NFRKB: variants seen among roughly 807,000 people sequenced by gnomAD.
NFRKB encodes nuclear factor related to kappaB binding protein, also known as nuclear factor related to kappa-B-binding protein.
In NFRKB, 62 loss-of-function variants were observed where a neutral mutation model predicts 135.7. That is an observed-to-expected ratio of 0.46 (90% confidence interval 0.37 to 0.56). NFRKB has a LOEUF of 0.56. NFRKB is among the 20% of genes least tolerant of loss of function. NFRKB has a pLI of 0.00. For synonymous variants in NFRKB, 678 were observed against 635.6 expected, an observed-to-expected ratio of 1.07 and a Z score of -1.00; for missense variants, 1,545 against 1,662.0, an observed-to-expected ratio of 0.93 and a Z score of 1.22.
chr11:129,893,484 C>T (rs935825242), intron 2 of NFRKB: 1 of 238,580 alleles, frequency 4.2e-6, no homozygotes, highest in East Asian at 9.5e-5. Context: ...CGCTTGAACA[C>T]GAGATGCAGA....
At position 129,878,427 on chromosome 11, in the gene NFRKB, C is replaced by T. The variant is rs7944380; in HGVS notation, c.1464+37G>A. 12,462 of 1,612,268 alleles carry T rather than the reference C, an allele frequency of 7.7e-3. 802 individuals are homozygous for T. In the African/African-American group the frequency reaches 0.15, roughly 19 times the overall value. ...GGCAAACTTAAGAGCTCTGGAAACC[C>T]AGTGAGAAGGATCTGGTATTTCTTA... On this transcript the variant is annotated intron_variant, in intron 14 of 26. Transcript: ENST00000682444.
At chr11:129,875,590 G>T in intron 17 of NFRKB, 127 bp from the exon 18 acceptor site, 1 of 622,894 alleles carries the variant, frequency 1.6e-6, no homozygotes, top group Non-Finnish European at 2.8e-6. Flanking sequence ...CCTGATGCCG[G>T]ATTAGGTGCA....
rs1949043163 is a variant in NFRKB, at chr11:129,881,834, T to C, written c.1211A>G (p.Asp404Gly). 2 of 1,609,024 alleles carry C rather than the reference T, an allele frequency of 1.2e-6. No individual in the cohort carries two copies. Among genetic ancestry groups the C allele is most frequent in the Admixed American group, 1.7e-5 (1 of 59,084 alleles). ...SLPMLEERVL[D>G]WQSSPASSLN... Reference sequence around the variant, plus strand: ...GGAGCTGGCTGGCGATGACTGCCAATCCAAAACTCGCTCCTCTAGCTGAGG... The same window carrying C: ...GGAGCTGGCTGGCGATGACTGCCAACCCAAAACTCGCTCCTCTAGCTGAGG... Residue 404 changes from aspartate to glycine, a missense_variant, in exon 12 of 27, where the codon GAT (aspartate) becomes GGT (glycine). Coordinates refer to ENST00000682444, the MANE Select transcript of NFRKB (RefSeq NM_001143835.2).
Position 129,874,515 on chromosome 11 carries a change from G to A in NFRKB, c.2044C>T (p.Pro682Ser). The change falls in exon 20 of 27, where the codon CCC (proline) becomes TCC (serine). Residue 682 changes from proline to serine, a missense_variant. By Grantham distance (74) the Pro-to-Ser change is moderately conservative (BLOSUM62 -1). Transcript: ENST00000682444. The surrounding 1 kb of genome is among the most constrained non-coding windows in gnomAD (Gnocchi z 4.5). Reference protein sequence around the residue: ...ARKALQQKPKPPSKVKSSSKE... With the variant: ...ARKALQQKPKSPSKVKSSSKE... ...AAGTCACTTACCACCTTGGATGGGGGCTTGGGTTTTTGCTGAAGAGCTTTT... is the reference window on the plus strand; with the variant it reads ...AAGTCACTTACCACCTTGGATGGGGACTTGGGTTTTTGCTGAAGAGCTTTT... 6.2e-7 allele frequency: 1 copy of A among 1,614,106 alleles called. No homozygotes were observed. The highest frequency in any genetic ancestry group is 8.5e-7 in the Non-Finnish European group (1 of 1,180,002).
intron 3 of NFRKB, among the ~76,000 whole-genome samples, chr11:129,890,664 T>C (rs1382804809): frequency 1.3e-5 from 2 of 152,212 alleles, no homozygotes; most frequent in African/African-American, 4.8e-5. Context: ...AAGAAATATA[T>C]AATTAAATGA....
intron 13 of NFRKB, 103 bp downstream of exon 13, chr11:129,881,340 T>C (rs1949015698): frequency 1.6e-6 from 2 of 1,229,018 alleles, no homozygotes; most frequent in Non-Finnish European, 1.2e-6. Flanking sequence ...ATATTGCTTT[T>C]TAAAACCAAT....
chr11:129,874,560 C>T lies in NFRKB; in HGVS notation c.1999G>A (p.Ala667Thr). 1 of 1,614,136 alleles carries T rather than the reference C, an allele frequency of 6.2e-7. No homozygotes were observed. ...GCTTTTCTGGCTTTAGCTGCAGCTG[C>T]TTGTGCTTGGTGAATCCGCTCTGTG... ...EEFERIHQAQ[A>T]AAAKARKALQ... Residue 667 changes from alanine to threonine, a missense_variant, in exon 20 of 27, where the codon GCA (alanine) becomes ACA (threonine). Ala to Thr is a moderately conservative substitution (Grantham distance 58). Transcript: ENST00000682444. The surrounding 1 kb of genome is among the most constrained non-coding windows in gnomAD (Gnocchi z 4.5).
Position 129,893,218 on chromosome 11 carries a change from C to T in NFRKB, c.-21-348G>A, listed in dbSNP as rs1044178606. ...ACTTCCCAGACCAATAATCACTCTCCCACAATGTAATTTCTGTAACAACTG... is the reference window on the plus strand; with the variant it reads ...ACTTCCCAGACCAATAATCACTCTCTCACAATGTAATTTCTGTAACAACTG... On this transcript the variant is annotated intron_variant, in intron 2 of 26. Transcript: ENST00000682444. The T allele has an allele frequency of 5.4e-5, 34 of 624,088 alleles. No homozygotes were observed. The African/African-American group carries it at 5.9e-4, about 11-fold the overall frequency. 38.7% of individuals were successfully genotyped at this position (624,088 alleles called of 1,614,324 possible). A position where few individuals can be genotyped will look rare whatever the true frequency, so the allele number is the denominator to read the frequency against.
At position 129,895,560 on chromosome 11, in the gene NFRKB, T is replaced by G. The variant is rs921034272; in HGVS notation, c.-166A>C. The G allele has an allele frequency of 1.3e-5, 2 of 152,122 alleles. No homozygotes were observed. The highest frequency in any genetic ancestry group is 2.9e-5 in the Non-Finnish European group (2 of 68,062). The allele number at this position is 152,122 out of a possible 1,614,324, so 9.4% of individuals were successfully genotyped here. ...TCCGGCCGCGGGCTCCCAGACGCAC[T>G]CGCTCCCGCAAGGAGTCTGGGTGCG... On this transcript the variant is annotated 5_prime_UTR_variant, in exon 1 of 27. Coordinates refer to ENST00000682444, the MANE Select transcript of NFRKB (RefSeq NM_001143835.2).
In NFRKB at chr11:129,878,468, C is replaced by G; in HGVS notation, c.1460G>C (p.Cys487Ser). ...GTATTTCTTAAAAAAACATACCTTA[C>G]AGAAGGCCTGATCTTTGGTCTCTAG... Reference protein sequence around the residue: ...LWLETKDQAFCKQENEDSSDA... With the variant: ...LWLETKDQAFSKQENEDSSDA... The change falls in exon 14 of 27, where the codon TGT (cysteine) becomes TCT (serine). Residue 487 changes from cysteine to serine, a missense_variant. Around this residue, in one of 3 missense-constraint regions of NFRKB, gnomAD observed 678 missense variants for 646.7 expected, o/e 1.05. Coordinates refer to ENST00000682444, the MANE Select transcript of NFRKB (RefSeq NM_001143835.2). The G allele has an allele frequency of 1.2e-6, 2 of 1,614,094 alleles. No individual in the cohort carries two copies. The highest frequency in any genetic ancestry group is 1.7e-6 in the Non-Finnish European group (2 of 1,179,946).
In NFRKB at chr11:129,878,503, G is replaced by T. The variant is rs747217802; in HGVS notation, c.1425C>A (p.Phe475Leu). The change falls in exon 14 of 27, where the codon TTC (phenylalanine) becomes TTA (leucine). Residue 475 changes from phenylalanine (F) to leucine (L), a missense_variant. Transcript: ENST00000682444. ...QDNEKELAAL[F>L]QLWLETKDQA... The stretch of plus-strand genomic sequence containing the variant: ...GATCTTTGGTCTCTAGCCATAGCTG[G>T]AAGAGGGCAGCTAATTCCTTTTCAT... The T allele has an allele frequency of 6.2e-7, 1 of 1,614,184 alleles. No homozygotes were observed. Among genetic ancestry groups the T allele is most frequent in the Non-Finnish European group, 8.5e-7 (1 of 1,180,014 alleles).
intron 24 of NFRKB, among the ~76,000 whole-genome samples, chr11:129,866,730 T>C (rs1271677585): frequency 6.6e-6 from 1 of 152,230 alleles, no homozygotes; most frequent in African/African-American, 2.4e-5. Context: ...TTGATTTTAA[T>C]GCTTGACTGG....
In NFRKB at chr11:129,882,472, G is replaced by A. The variant is rs1949076705; in HGVS notation, c.1061C>T (p.Ala354Val). 6.2e-7 allele frequency: 1 copy of A among 1,613,282 alleles called. No individual in the cohort carries two copies. Among genetic ancestry groups the A allele is most frequent in the Non-Finnish European group, 8.5e-7 (1 of 1,179,732 alleles). Residue 354 changes from alanine to valine, a missense_variant, in exon 10 of 27, where the codon GCA becomes GTA. By Grantham distance (64) the Ala-to-Val change is moderately conservative. This residue lies in a region of NFRKB where 678 missense variants were observed against 646.7 expected (regional missense o/e 1.05). Transcript: ENST00000682444. ...TTACTCTTCCTTGATAGCAGGAATT[G>A]CCAGCGGAGAGGGGGCCTGTGAGAG... ...APLSQAPSPL[A>V]IPAIKEEPLE...
In NFRKB at chr11:129,884,809, A is replaced by T; in HGVS notation, c.678T>A (p.Ser226=). 1 of 1,614,202 alleles carries T rather than the reference A, an allele frequency of 6.2e-7. No homozygotes were observed. The highest frequency in any genetic ancestry group is 8.5e-7 in the Non-Finnish European group (1 of 1,180,044). ...CCCGCAGGGGCACCGCAGGACTAGG[A>T]GAACGTGCTGGAGAGCTCGGAAGCC... ...SSWLPSSPAR[S]PSPAVPLRVV... Residue 226 remains serine, a synonymous_variant, in exon 7 of 27, where the codon TCT becomes TCA. Coordinates refer to ENST00000682444, the MANE Select transcript of NFRKB (RefSeq NM_001143835.2).
rs1948098285 is a variant in NFRKB at position 129,864,533 on chromosome 11, ACCT to A, written c.*189_*191del. 1 of 649,542 alleles carries A rather than the reference ACCT, an allele frequency of 1.5e-6. No individual in the cohort carries two copies. Among genetic ancestry groups the A allele is most frequent in the Non-Finnish European group, 2.6e-6 (1 of 386,200 alleles). The allele number at this position is 649,542 out of a possible 1,614,324, so 40.2% of individuals were successfully genotyped here. A position where few individuals can be genotyped will look rare whatever the true frequency, so the allele number is the denominator to read the frequency against. On this transcript the variant is annotated 3_prime_UTR_variant, in exon 27 of 27. Transcript: ENST00000682444. ...AGCAGACCTTGGAACCCTGGAGTGA[ACCT>A]TTCTCAGGGTGCTCCACTATGGCAC...
chr11:129,885,892 T>C (rs61913691), intron 5 of NFRKB, among the ~76,000 whole-genome samples: 1 of 151,938 alleles, frequency 6.6e-6, no homozygotes, highest in African/African-American at 2.4e-5. Context: ...TGACTTAAAA[T>C]CCAAACAGCT....
At chr11:129,878,157 G>C (rs759584771) in intron 15 of NFRKB, 152 bp downstream of exon 15, 5 of 737,560 alleles carry the variant, frequency 6.8e-6, no homozygotes, top group African/African-American at 1.8e-5. Flanking sequence ...GTTCACTCAG[G>C]GGGTGCGGCC....
chr11:129,873,051 T>C lies in NFRKB; in HGVS notation c.2596A>G (p.Thr866Ala). The part of the protein sequence containing the change: ...VPVKAQTTAA[T>A]VQRPGPGQTG... ...TGCCCGGGTCCAGGCCGCTGCACAG[T>C]GGCTGCCGTAGTCTGCGCTTTGACG... Residue 866 changes from threonine (T) to alanine (A), a missense_variant, in exon 23 of 27, where the codon ACT becomes GCT. By Grantham distance (58) the Thr-to-Ala change is moderately conservative. This residue lies in a region of NFRKB where 753 missense variants were observed against 804.3 expected (regional missense o/e 0.94). Coordinates refer to ENST00000682444, the MANE Select transcript of NFRKB (RefSeq NM_001143835.2). The C allele has an allele frequency of 6.2e-7, 1 of 1,613,280 alleles. No homozygotes were observed. The highest frequency in any genetic ancestry group is 8.5e-7 in the Non-Finnish European group (1 of 1,179,728).
Position 129,870,360 on chromosome 11 carries a change from A to AT in NFRKB, c.2764-100dup, listed in dbSNP as rs57667407. 7.2e-3 allele frequency: 9,146 copies of AT among 1,264,010 alleles called. 117 individuals are homozygous for AT. The highest frequency in any genetic ancestry group is 0.061 in the African/African-American group (4,043 of 65,928). The allele number at this position is 1,264,010 out of a possible 1,614,324, so 78.3% of individuals were successfully genotyped here. The stretch of plus-strand genomic sequence containing the variant: ...TCCGTTTCATGGGTAGATGTTTTGT[A>AT]TTTTTTTTTTAACTTTTTATTTTGC... On this transcript the variant is annotated intron_variant, in intron 23 of 26. Coordinates refer to ENST00000682444, the MANE Select transcript of NFRKB (RefSeq NM_001143835.2).
Sources: gnomAD v4.1 joint callset for allele counts (sites outside exome capture counted in the v4.1 genomes callset) on GRCh38, gnomAD v4.1.1 for gene constraint, gnomAD v4.1.1 regional missense constraint, Gnocchi (gnomAD v3.1) non-coding constraint, MANE v1.5 for transcripts, NCBI Gene and HGNC (gene_info 2026-07-23, HGNC 2026-07-21) for gene names.